RPS6KA2: variants seen among roughly 807,000 people sequenced by gnomAD.
RPS6KA2 encodes ribosomal protein S6 kinase A2.
A neutral mutation model predicts 91.8 loss-of-function variants in RPS6KA2; 42 were observed. The observed-to-expected ratio is 0.46, with a 90% CI of 0.36 to 0.59. The LOEUF is 0.59. RPS6KA2 is among the 20% of genes least tolerant of loss of function. RPS6KA2 has a pLI of 0.00. For synonymous variants in RPS6KA2, 414 were observed against 393.6 expected (o/e 1.05, Z -0.61); for missense variants, 798 against 978.5 (o/e 0.82, Z 2.46).
chr6:166,446,428 G>C (rs189064911), intron 14 of RPS6KA2, among the ~76,000 whole-genome samples: 153 of 152,342 alleles, frequency 1.0e-3, no homozygotes, highest in Middle Eastern at 3.4e-3. Flanking sequence ...TGCCATGTCT[G>C]CTGGCCAACT....
rs183281302 is a variant in RPS6KA2 at position 166,721,025 on chromosome 6, C to T, written c.123+137175G>A. The stretch of plus-strand genomic sequence containing the variant: ...CACTTCACAGGAAATGGAAATGACC[C>T]CACTAGTCTGTGTACCTCTTAACAC... On this transcript the variant is annotated intron_variant, in intron 2 of 21. Coordinates refer to the RPS6KA2 transcript ENST00000503859. 1.6e-3 allele frequency among the ~76,000 whole-genome samples: 240 copies of T among 152,260 alleles called. 1 individual carries two copies. The highest frequency in any genetic ancestry group is 5.5e-3 in the African/African-American group (230 of 41,528).
At chr6:166,723,694 CTTTTCTTTTCTT>C (rs1403096188) in intron 2 of RPS6KA2, among the ~76,000 whole-genome samples, 2 of 140,706 alleles carry the variant, frequency 1.4e-5, no homozygotes, top group African/African-American at 6.4e-5. Flanking sequence ...TTCTTTTTTT[CTTTTCTTTTCTT>C]TTTTTTTTTT....
intron 2 of RPS6KA2, among the ~76,000 whole-genome samples, chr6:166,801,544 G>T (rs1307047332): frequency 6.6e-6 from 1 of 152,008 alleles, no homozygotes; most frequent in Non-Finnish European, 1.5e-5. Flanking sequence ...ATAAAGCCTT[G>T]CTGTGTTGCC....
chr6:166,833,421 C>G (rs941941272), intron 2 of RPS6KA2, among the ~76,000 whole-genome samples: 1 of 152,220 alleles, frequency 6.6e-6, no homozygotes, highest in Non-Finnish European at 1.5e-5. Context: ...AATTTACCTA[C>G]AGGCGAATTC....
chr6:166,604,193 G>C (rs1360250220), intron 1 of RPS6KA2, among the ~76,000 whole-genome samples: 2 of 152,218 alleles, frequency 1.3e-5, no homozygotes, highest in Non-Finnish European at 2.9e-5. Flanking sequence ...GCTCTGCATG[G>C]AGATGTGACG....
chr6:166,702,692 C>T (rs1789560736), intron 2 of RPS6KA2: 5 of 1,381,228 alleles, frequency 3.6e-6, no homozygotes, highest in East Asian at 2.3e-5. Flanking sequence ...GCCTTGAGGG[C>T]CCAGATCTCG....
chr6:166,658,043 T>C (rs781655665), intron 2 of RPS6KA2, among the ~76,000 whole-genome samples: 3 of 152,144 alleles, frequency 2.0e-5, no homozygotes, highest in African/African-American at 4.8e-5. Flanking sequence ...CCACCATGCC[T>C]GGCTAATTTT....
At chr6:166,513,113 T>A (rs2128483937) in intron 3 of RPS6KA2, among the ~76,000 whole-genome samples, 1 of 152,284 alleles carries the variant, frequency 6.6e-6, no homozygotes, top group African/African-American at 2.4e-5. Flanking sequence ...TCATAATCGT[T>A]TAAGAAAGTT....
At chr6:166,728,248 G>T (rs1324526794) in intron 2 of RPS6KA2, among the ~76,000 whole-genome samples, 1 of 152,160 alleles carries the variant, frequency 6.6e-6, no homozygotes, top group African/African-American at 2.4e-5. Context: ...GGGGCGGACT[G>T]GCCAGGGTGA....
In RPS6KA2 at chr6:166,416,497, C is replaced by A. The variant is rs139262865; in HGVS notation, c.1938+1728G>T. Among the ~76,000 whole-genome samples the A allele has an allele frequency of 1.1e-3, 169 of 152,128 alleles. 2 individuals carry two copies. The highest frequency in any genetic ancestry group is 3.8e-3 in the African/African-American group (157 of 41,494). On this transcript the variant is annotated intron_variant, in intron 19 of 20. Coordinates refer to ENST00000265678, the MANE Select transcript of RPS6KA2 (RefSeq NM_021135.6). ...CCACTCCCACCGTCACCTCCATGAT[C>A]ACTGCCACCACCTCTGCCACTTTTG...
At chr6:166,816,866 T>C (rs576882073) in intron 2 of RPS6KA2, among the ~76,000 whole-genome samples, 19 of 152,206 alleles carry the variant, frequency 1.2e-4, no homozygotes, top group Admixed American at 6.5e-4. Context: ...CAGGTAGTGC[T>C]CCACAGAGCA....
chr6:166,723,463 T>C (rs554942894), intron 2 of RPS6KA2, among the ~76,000 whole-genome samples: 23 of 151,912 alleles, frequency 1.5e-4, no homozygotes, highest in African/African-American at 5.3e-4. Flanking sequence ...CCCACATGTA[T>C]GCACCGCCTT....
Position 166,652,443 on chromosome 6 carries a change from G to A in RPS6KA2, c.124-113659C>T, listed in dbSNP as rs536253859. Among the ~76,000 whole-genome samples, 22 of 152,080 alleles carry A rather than the reference G, an allele frequency of 1.4e-4. No homozygotes were observed. In the South Asian group the frequency reaches 4.0e-3, roughly 27 times the overall value. On this transcript the variant is annotated intron_variant, in intron 2 of 21. Transcript: ENST00000503859. ...GATGTTTCCCATGAGGAGTTTGATC[G>A]TTTGCACCTTATTCTCTTCGGGGAA...
At chr6:166,715,892 G>A (rs1354302017) in intron 2 of RPS6KA2, among the ~76,000 whole-genome samples, 8 of 152,052 alleles carry the variant, frequency 5.3e-5, no homozygotes, top group Non-Finnish European at 1.2e-4. Flanking sequence ...ACAAAAATTA[G>A]CTGGGCATGG....
intron 9 of RPS6KA2, among the ~76,000 whole-genome samples, 175 bp from the exon 10 acceptor site, chr6:166,489,096 G>A (rs927764943): frequency 1.3e-5 from 2 of 152,122 alleles, no homozygotes; most frequent in African/African-American, 4.8e-5. Context: ...ACACCAAAGA[G>A]CTTATGTTTA....
At chr6:166,546,216 C>T (rs1056128656) in intron 1 of RPS6KA2, among the ~76,000 whole-genome samples, 2 of 152,152 alleles carry the variant, frequency 1.3e-5, no homozygotes, top group Non-Finnish European at 1.5e-5. Context: ...GAACGATCTC[C>T]GAGAAGCCTC....
chr6:166,528,398 C>T (rs951976773), intron 3 of RPS6KA2, among the ~76,000 whole-genome samples: 5 of 152,024 alleles, frequency 3.3e-5, no homozygotes, highest in Non-Finnish European at 5.9e-5. Flanking sequence ...CCCTTCCTTA[C>T]ACCTTATACA....
At chr6:166,461,499 G>GGAGA (rs3830733) in intron 11 of RPS6KA2, among the ~76,000 whole-genome samples, 10 of 129,790 alleles carry the variant, frequency 7.7e-5, no homozygotes, top group African/African-American at 2.1e-4. Flanking sequence ...GGAGAGAGGT[G>GGAGA]GAGAGAGAGA....
At chr6:166,638,687 G>A (rs1787325602) in intron 2 of RPS6KA2, among the ~76,000 whole-genome samples, 1 of 152,216 alleles carries the variant, frequency 6.6e-6, no homozygotes, top group Non-Finnish European at 1.5e-5. Context: ...CTAGAACAGT[G>A]GTTCTGGGGC....
Sources: gnomAD v4.1 joint callset for allele counts (sites outside exome capture counted in the v4.1 genomes callset) on GRCh38, gnomAD v4.1.1 for gene constraint, MANE v1.5 for transcripts, NCBI Gene and HGNC (gene_info 2026-07-23, HGNC 2026-07-21) for gene names.